FARS2: variants seen among roughly 807,000 people sequenced by gnomAD.
The protein encoded by FARS2 is phenylalanine--tRNA ligase, mitochondrial.
In FARS2, 40 loss-of-function variants were observed where a neutral mutation model predicts 46.4. The observed-to-expected ratio is 0.86, with a 90% CI of 0.67 to 1.12. The LOEUF (loss-of-function observed/expected upper bound fraction) is 1.12. FARS2 is among the 50% of genes most tolerant of loss of function. The pLI, the probability that FARS2 is intolerant of heterozygous loss-of-function variation, is 0.00. For synonymous variants in FARS2, 234 were observed against 214.9 expected, an observed-to-expected ratio of 1.09 and a Z score of -0.78; for missense variants, 513 against 567.9, an observed-to-expected ratio of 0.90 and a Z score of 0.98.
chr6:5,612,372 C>T (rs1775235962), intron 5 of FARS2, among the ~76,000 whole-genome samples: 1 of 152,074 alleles, frequency 6.6e-6, no homozygotes, highest in African/African-American at 2.4e-5. Flanking sequence ...AGTTATGTAA[C>T]AAAACTTTTT....
chr6:5,436,982 C>A (rs1183954248), intron 4 of FARS2, among the ~76,000 whole-genome samples: 1 of 152,174 alleles, frequency 6.6e-6, no homozygotes, highest in Non-Finnish European at 1.5e-5. Flanking sequence ...TACGTATACA[C>A]CAGTGAAACC....
At chr6:5,360,215 A>G (rs1313615340) in intron 1 of FARS2, among the ~76,000 whole-genome samples, 1 of 152,208 alleles carries the variant, frequency 6.6e-6, no homozygotes, top group Non-Finnish European at 1.5e-5. Flanking sequence ...GTTGAATGGT[A>G]CTATGCAACT....
chr6:5,673,707 G>A (rs1355970652), intron 6 of FARS2, among the ~76,000 whole-genome samples: 2 of 152,136 alleles, frequency 1.3e-5, no homozygotes, highest in Non-Finnish European at 2.9e-5. Flanking sequence ...CAAATGTATG[G>A]AAGTGTAGAG....
intron 6 of FARS2, among the ~76,000 whole-genome samples, chr6:5,668,364 T>C (rs1020543047): frequency 5.9e-5 from 9 of 152,232 alleles, no homozygotes; most frequent in Admixed American, 2.6e-4. Context: ...ACTATACCAA[T>C]TCAAGCTCGG....
chr6:5,535,624 G>A (rs1044534364), intron 4 of FARS2, among the ~76,000 whole-genome samples: 5 of 152,156 alleles, frequency 3.3e-5, no homozygotes, highest in African/African-American at 1.2e-4. Context: ...TGAGTGAAAA[G>A]TTTTCAACTT....
At position 5,764,690 on chromosome 6, in the gene FARS2, C is replaced by G. The variant is rs1762660234; in HGVS notation, c.1218-6601C>G. On this transcript the variant is annotated intron_variant, in intron 6 of 6. Transcript: ENST00000274680. The surrounding 1 kb of genome is among the most constrained non-coding windows in gnomAD (Gnocchi z 4.1). Reference sequence around the variant, plus strand: ...ACCATCCAAGAACATGAAGTCGCTGCTCTGTCACAGATGGAGAAGCAGACT... The same window carrying G: ...ACCATCCAAGAACATGAAGTCGCTGGTCTGTCACAGATGGAGAAGCAGACT... Among the ~76,000 whole-genome samples the G allele has an allele frequency of 6.6e-6, 1 of 152,188 alleles. No homozygotes were observed. Among genetic ancestry groups the G allele is most frequent in the Non-Finnish European group, 1.5e-5 (1 of 68,034 alleles).
intron 4 of FARS2, among the ~76,000 whole-genome samples, chr6:5,464,757 C>T (rs533736307): frequency 2.2e-4 from 34 of 152,194 alleles, no homozygotes; most frequent in South Asian, 1.7e-3. Flanking sequence ...TTTCAAACCA[C>T]AAACCAGAGA....
intron 1 of FARS2, among the ~76,000 whole-genome samples, chr6:5,312,945 T>C (rs902591692): frequency 6.6e-6 from 1 of 152,148 alleles, no homozygotes; most frequent in Non-Finnish European, 1.5e-5. Context: ...TTCAGTGATA[T>C]AATAGGGGAT....
chr6:5,478,430 C>T (rs1011162094), intron 4 of FARS2, among the ~76,000 whole-genome samples: 4 of 152,122 alleles, frequency 2.6e-5, no homozygotes, highest in Admixed American at 1.3e-4. Context: ...ATATCATTTC[C>T]GTTTTATGAA....
In FARS2 at chr6:5,598,954, C is replaced by T. The variant is rs76948569; in HGVS notation, c.1066-14215C>T. Among the ~76,000 whole-genome samples the T allele has an allele frequency of 6.4e-4, 97 of 152,308 alleles. 1 individual carries two copies. In the East Asian group the frequency reaches 0.015, roughly 24 times the overall value. On this transcript the variant is annotated intron_variant, in intron 5 of 6. Transcript: ENST00000274680. ...GCTCCTTTTCCTCTGTACACTGGAA[C>T]AGTCAGAAGGCCAGCTTTGTGTGGA...
chr6:5,361,228 A>G (rs913211732), intron 1 of FARS2, among the ~76,000 whole-genome samples: 3 of 152,200 alleles, frequency 2.0e-5, no homozygotes, highest in African/African-American at 7.2e-5. Flanking sequence ...TGTATCATTC[A>G]AACTCGTTGC....
chr6:5,260,532 C>T, upstream of FARS2: 1 of 1,391,912 alleles, frequency 7.2e-7, no homozygotes, highest in Non-Finnish European at 9.7e-7. Flanking sequence ...CCTTGCCTCG[C>T]AGCCGCCGGC....
chr6:5,662,001 A>G (rs1450178082), intron 6 of FARS2, among the ~76,000 whole-genome samples: 3 of 152,136 alleles, frequency 2.0e-5, no homozygotes, highest in Non-Finnish European at 4.4e-5. Flanking sequence ...AGCAGGGTTG[A>G]CCTTAGACTG....
intron 1 of FARS2, among the ~76,000 whole-genome samples, chr6:5,298,107 T>C (rs149292988): frequency 1.1e-4 from 17 of 152,358 alleles, no homozygotes; most frequent in Middle Eastern, 3.4e-3. Flanking sequence ...TTCTCTGTAT[T>C]ACTTTTGTGA....
chr6:5,466,535 TTTTG>T (rs1765524992), intron 4 of FARS2: 1 of 985,070 alleles, frequency 1.0e-6, no homozygotes, highest in Non-Finnish European at 1.2e-6. Flanking sequence ...TCATTGGAAG[TTTTG>T]TTTGTTTGTT....
upstream of FARS2, among the ~76,000 whole-genome samples, chr6:5,258,924 T>C (rs2127786413): frequency 6.6e-6 from 1 of 152,346 alleles, no homozygotes; most frequent in Admixed American, 6.5e-5. Context: ...ATTTTCCTGT[T>C]CAGTTGGCAA....
chr6:5,411,504 G>A (rs1761941243), intron 3 of FARS2, among the ~76,000 whole-genome samples: 1 of 152,130 alleles, frequency 6.6e-6, no homozygotes, highest in Non-Finnish European at 1.5e-5. Flanking sequence ...AGTGATGAAT[G>A]GGAACTGCCT....
intron 6 of FARS2, among the ~76,000 whole-genome samples, chr6:5,768,817 A>G (rs1472025070): frequency 6.6e-6 from 1 of 151,948 alleles, no homozygotes; most frequent in Non-Finnish European, 1.5e-5. Flanking sequence ...TTGTTTTACT[A>G]TGTTGTTGGC....
upstream of FARS2, among the ~76,000 whole-genome samples, chr6:5,258,163 G>A (rs147573615): frequency 6.6e-6 from 1 of 152,180 alleles, no homozygotes; most frequent in Admixed American, 6.5e-5. Context: ...ATGCACATGT[G>A]GGACTTAGGC....
Sources: allele counts gnomAD v4.1 joint callset (sites outside exome capture counted in the v4.1 genomes callset), GRCh38; gene constraint gnomAD v4.1.1; non-coding constraint Gnocchi (gnomAD v3.1); transcripts MANE v1.5; gene names NCBI Gene and HGNC (gene_info 2026-07-23, HGNC 2026-07-21).